The following PATJ variants were observed in gnomAD, a reference collection of about 807,000 sequenced individuals.
PATJ encodes the protein PATJ crumbs cell polarity complex component, also known as inaD-like protein.
In PATJ, 190 loss-of-function variants were observed where a neutral mutation model predicts 224.9. The observed-to-expected ratio is 0.84, with a 90% CI of 0.75 to 0.95. The LOEUF (loss-of-function observed/expected upper bound fraction) is 0.95. Among genes scored for constraint, PATJ ranks in the 40% least tolerant of loss-of-function variants. The pLI is 0.00. For missense variants in PATJ, 2,121 were observed against 2,270.3 expected (o/e 0.93, Z 1.34); for synonymous variants, 769 against 820.3 (o/e 0.94, Z 1.07).
intron 22 of PATJ, among the ~76,000 whole-genome samples, chr1:61,898,497 C>A (rs141037984): frequency 6.6e-6 from 1 of 151,964 alleles, no homozygotes; most frequent in Non-Finnish European, 1.5e-5. Context: ...CTTGACCTCC[C>A]GAAGCACTGG....
intron 27 of PATJ, among the ~76,000 whole-genome samples, chr1:61,977,574 C>G (rs2498973): frequency 0.24 from 36,662 of 151,788 alleles, 5,105 homozygotes; most frequent in African/African-American, 0.36. Context: ...GTTTTGTAGA[C>G]GCGTCCTAGA....
chr1:62,127,417 A>ATT (rs35360255), intron 39 of PATJ, among the ~76,000 whole-genome samples: 3,827 of 146,308 alleles, frequency 0.026, 61 homozygotes, highest in Non-Finnish European at 0.034. Context: ...TTGGTAAGGA[A>ATT]TTTTTTTTTT....
chr1:61,811,809 C>G (rs1654814804), intron 14 of PATJ, among the ~76,000 whole-genome samples: 2 of 151,078 alleles, frequency 1.3e-5, no homozygotes, highest in South Asian at 4.2e-4. Context: ...CGCCTGTAAT[C>G]CCAGCACTTT....
At chr1:61,873,133 A>G (rs1218687703) in intron 20 of PATJ, among the ~76,000 whole-genome samples, 4 of 152,118 alleles carry the variant, frequency 2.6e-5, no homozygotes, top group African/African-American at 9.7e-5. Context: ...TGGCTATAAA[A>G]TAGTCATTTA....
intron 22 of PATJ, among the ~76,000 whole-genome samples, chr1:61,892,023 A>G (rs1235308805): frequency 6.6e-6 from 1 of 152,156 alleles, no homozygotes; most frequent in Non-Finnish European, 1.5e-5. Flanking sequence ...ACTCAAGACA[A>G]TGTCTGAATG....
At chr1:62,125,376 G>A (rs1273574255) in intron 39 of PATJ, among the ~76,000 whole-genome samples, 1 of 151,846 alleles carries the variant, frequency 6.6e-6, no homozygotes, top group Non-Finnish European at 1.5e-5. Context: ...ATTATTGTGT[G>A]GATTACATGA....
At chr1:61,897,976 A>C (rs1670614217) in intron 22 of PATJ, among the ~76,000 whole-genome samples, 1 of 152,178 alleles carries the variant, frequency 6.6e-6, no homozygotes, top group African/African-American at 2.4e-5. Flanking sequence ...GCTTGTCTAG[A>C]TCCTTTCAGC....
At chr1:61,833,409 C>A (rs2148793227) in intron 16 of PATJ, 1 of 304,884 alleles carries the variant, frequency 3.3e-6, no homozygotes, top group Non-Finnish European at 6.0e-6. Flanking sequence ...GAAATAAATT[C>A]TTCACATTAA....
chr1:61,762,608 C>T (rs1288237005), intron 1 of PATJ, among the ~76,000 whole-genome samples: 1 of 152,074 alleles, frequency 6.6e-6, no homozygotes, highest in Admixed American at 6.6e-5. Context: ...TGATATTTTA[C>T]GTTTCTCTTA....
intron 5 of PATJ, among the ~76,000 whole-genome samples, chr1:61,769,788 G>T (rs977147048): frequency 6.6e-6 from 1 of 152,126 alleles, no homozygotes; most frequent in Non-Finnish European, 1.5e-5. Flanking sequence ...TTTAGCTATG[G>T]ACTGATCAGT....
chr1:61,897,750 A>G (rs1670582163), intron 22 of PATJ, among the ~76,000 whole-genome samples: 1 of 152,184 alleles, frequency 6.6e-6, no homozygotes, highest in Admixed American at 6.5e-5. Flanking sequence ...TATTTTTTTC[A>G]AAGCTGGGCA....
intron 28 of PATJ, among the ~76,000 whole-genome samples, chr1:61,998,022 T>TATA (rs1314398570): frequency 8.1e-6 from 1 of 123,182 alleles, no homozygotes; most frequent in Non-Finnish European, 1.7e-5. Context: ...ATTAATTATA[T>TATA]ATAATATATT....
At chr1:62,089,210 T>C (rs1027342742) in intron 33 of PATJ, among the ~76,000 whole-genome samples, 2 of 152,140 alleles carry the variant, frequency 1.3e-5, no homozygotes, top group African/African-American at 4.8e-5. Context: ...CCTGGGTTGG[T>C]TGGAATACCT....
chr1:61,943,019 A>G (rs778063460), intron 27 of PATJ, among the ~76,000 whole-genome samples: 3 of 152,252 alleles, frequency 2.0e-5, no homozygotes, highest in Non-Finnish European at 4.4e-5. Context: ...CCAAATGTCC[A>G]TCAACTGGTG....
rs71582656 is a variant in PATJ, at chr1:61,991,182, AATGATGATG to A, written c.3867+847_3867+855del. 3.8e-3 allele frequency among the ~76,000 whole-genome samples: 580 copies of A among 151,040 alleles called. 2 individuals are homozygous for A. The highest frequency in any genetic ancestry group is 6.8e-3 in the Non-Finnish European group (461 of 67,764). On this transcript the variant is annotated intron_variant, in intron 28 of 43. Transcript: ENST00000642238. Reference sequence around the variant, plus strand: ...ATTTATACTACAAAATAAGAAATGCAATGATGATGATGATGATGATGATGATGATGATGA... The same window carrying A: ...ATTTATACTACAAAATAAGAAATGCAATGATGATGATGATGATGATGATGA...
chr1:61,990,336 G>A lies in PATJ; in HGVS notation c.3839G>A (p.Arg1280Gln), dbSNP rs373112517. The change falls in exon 28 of 44, where the codon CGA (arginine) becomes CAA (glutamine). Residue 1280 changes from arginine (R) to glutamine (Q), a missense_variant. Coordinates refer to ENST00000642238, the MANE Select transcript of PATJ (RefSeq NM_001350145.3). ...GAAGGACCTGCTGCCGCAGATGGAC[G>A]AATGCGTATTGGAGATGAACTCTTA... Reference protein sequence around the residue: ...NPEGPAAADGRMRIGDELLEI... With the variant: ...NPEGPAAADGQMRIGDELLEI... The A allele has an allele frequency of 1.3e-5, 21 of 1,612,806 alleles. No homozygotes were observed. In the African/African-American group the frequency reaches 1.3e-4, roughly 10 times the overall value.
chr1:61,845,718 A>T (rs1046150722), intron 17 of PATJ, among the ~76,000 whole-genome samples: 1 of 152,158 alleles, frequency 6.6e-6, no homozygotes, highest in Non-Finnish European at 1.5e-5. Context: ...AAAAGAGCAA[A>T]ACACTGCAGA....
chr1:61,807,493 C>T (rs1653832599), intron 13 of PATJ, among the ~76,000 whole-genome samples: 1 of 152,120 alleles, frequency 6.6e-6, no homozygotes, highest in South Asian at 2.1e-4. Flanking sequence ...ATTTTATTCT[C>T]CTTATAATTA....
chr1:61,941,842 A>T (rs1677868623), intron 27 of PATJ, among the ~76,000 whole-genome samples: 1 of 152,236 alleles, frequency 6.6e-6, no homozygotes, highest in South Asian at 2.1e-4. Context: ...ATAGAATTTC[A>T]GCATAGCAAC....
Sources: allele counts gnomAD v4.1 joint callset (sites outside exome capture counted in the v4.1 genomes callset), GRCh38; gene constraint gnomAD v4.1.1; transcripts MANE v1.5; gene names NCBI Gene and HGNC (gene_info 2026-07-23, HGNC 2026-07-21).